TAF6L: variants seen among roughly 807,000 people sequenced by gnomAD.
TAF6L encodes TATA-box binding protein associated factor 6 like.
Under a neutral mutation model 57.3 loss-of-function variants are expected in TAF6L, and 34 were observed. That is an observed-to-expected ratio of 0.59 (90% CI 0.45 to 0.79). The LOEUF (loss-of-function observed/expected upper bound fraction) is 0.79, where lower values mean the gene tolerates loss of function less well. Ranked by LOEUF, TAF6L falls within the 30% of genes least tolerant of loss-of-function variation. The pLI, the probability that TAF6L is intolerant of heterozygous loss-of-function variation, is 0.00. For synonymous variants in TAF6L, 417 were observed against 376.3 expected (o/e 1.11, Z -1.25); for missense variants, 782 against 853.2 (o/e 0.92, Z 1.04).
At chr11:62,778,799 G>T in intron 5 of TAF6L, 70 bp from the exon 6 acceptor site, 1 of 1,294,648 alleles carries the variant, frequency 7.7e-7, no homozygotes, top group South Asian at 1.2e-5. Flanking sequence ...GGTTGAGGGG[G>T]AGGAGGCTGG....
rs993611114 is a variant in TAF6L, at chr11:62,781,884, T to G, written c.532-10T>G. 6.2e-7 allele frequency: 1 copy of G among 1,613,892 alleles called. No homozygotes were observed. Among genetic ancestry groups the G allele is most frequent in the Non-Finnish European group, 8.5e-7 (1 of 1,179,910 alleles). ...GGTGGATCCAATGCAGTCTGGGCCC[T>G]TCCTTTTAGGTTGCACTCCAGGACT... On this transcript the variant is annotated splice_polypyrimidine_tract_variant and intron_variant, in intron 6 of 10. Coordinates refer to ENST00000294168, the MANE Select transcript of TAF6L (RefSeq NM_006473.4).
rs2084286793 is a variant in TAF6L at position 62,787,023 on chromosome 11, G to A, written c.1596G>A (p.Gly532=). ...TGCCGCGCGTGCATCGGGCGCGCGG[G>A]GCACCCCGGCAGCAGGGCCCCGGGA... ...RPLPRVHRAR[G]APRQQGPGTG... The change falls in exon 11 of 11, where the codon GGG becomes GGA. Residue 532 remains glycine, a synonymous_variant. Transcript: ENST00000294168. The A allele has an allele frequency of 2.7e-6, 4 of 1,499,202 alleles. No homozygotes were observed. The highest frequency in any genetic ancestry group is 3.5e-6 in the Non-Finnish European group (4 of 1,132,742). The allele number at this position is 1,499,202 out of a possible 1,614,324, so 92.9% of individuals were successfully genotyped here.
At chr11:62,781,239 G>GA (rs572508048) in intron 6 of TAF6L, among the ~76,000 whole-genome samples, 67 of 105,354 alleles carry the variant, frequency 6.4e-4, no homozygotes, top group Admixed American at 1.1e-3. Flanking sequence ...CCATCTCAAA[G>GA]AAAAAAAAAA....
rs2084279260 is a variant in TAF6L at position 62,786,615 on chromosome 11, A to C, written c.1188A>C (p.Pro396=). The C allele has an allele frequency of 2.5e-6, 4 of 1,595,886 alleles. No individual in the cohort carries two copies. The highest frequency in any genetic ancestry group is 3.4e-6 in the Non-Finnish European group (4 of 1,170,580). Residue 396 remains proline, a synonymous_variant, in exon 11 of 11, where the codon CCA becomes CCC. Coordinates refer to ENST00000294168, the MANE Select transcript of TAF6L (RefSeq NM_006473.4). ...GRGCRRLDDL[P]WDSLLFQESS... ...GGTGCCGGCGCCTGGACGACCTGCC[A>C]TGGGACAGCCTTCTCTTTCAAGAGT...
intron 6 of TAF6L, 141 bp from the exon 7 acceptor site, chr11:62,781,753 A>C: frequency 1.3e-6 from 1 of 756,492 alleles, no homozygotes; most frequent in Non-Finnish European, 2.3e-6. Flanking sequence ...CATTTATAGA[A>C]ATAGAATTGC....
intron 6 of TAF6L, among the ~76,000 whole-genome samples, chr11:62,780,974 G>A (rs970087706): frequency 6.9e-6 from 1 of 144,432 alleles, no homozygotes; most frequent in Admixed American, 7.1e-5. Flanking sequence ...GGTGGCTAAC[G>A]CCTGTAATCT....
Position 62,776,515 on chromosome 11 carries a change from A to G in TAF6L, c.234+45A>G, listed in dbSNP as rs767381908. On this transcript the variant is annotated intron_variant, in intron 3 of 10. Coordinates refer to ENST00000294168, the MANE Select transcript of TAF6L (RefSeq NM_006473.4). ...CAGAGGGCTCAGGTGGCATGAGGCC[A>G]CTTCCATGTCCAGTTCAGGGCTGGC... 6 of 1,582,610 alleles carry G rather than the reference A, an allele frequency of 3.8e-6. No individual in the cohort carries two copies. In the South Asian group the frequency reaches 6.6e-5, roughly 17 times the overall value.
intron 6 of TAF6L, among the ~76,000 whole-genome samples, chr11:62,781,245 A>AAAAAAAAG (rs1565188719): frequency 1.3e-5 from 2 of 151,074 alleles, no homozygotes; most frequent in African/African-American, 2.5e-5. Context: ...CAAAGAAAAA[A>AAAAAAAAG]AAAAAAGAAA....
chr11:62,777,506 T>A (rs2084196268), intron 3 of TAF6L, among the ~76,000 whole-genome samples: 1 of 152,048 alleles, frequency 6.6e-6, no homozygotes, highest in African/African-American at 2.4e-5. Context: ...GGACTGGAGC[T>A]GGCCCTTAAA....
rs1292364168 is a variant in TAF6L, at chr11:62,781,992, G to A, written c.606+24G>A. 2.5e-6 allele frequency: 4 copies of A among 1,612,732 alleles called. No individual in the cohort carries two copies. In the South Asian group the frequency reaches 3.3e-5, roughly 13 times the overall value. ...GGGTAAGTGACCAGGCTGGGACAGG[G>A]AGAATGTTTTATAAGGAAGAGATGA... is the stretch of plus-strand genomic sequence containing the variant. On this transcript the variant is annotated intron_variant, in intron 7 of 10. Coordinates refer to ENST00000294168, the MANE Select transcript of TAF6L (RefSeq NM_006473.4).
intron 6 of TAF6L, among the ~76,000 whole-genome samples, chr11:62,780,159 A>G (rs2084218169): frequency 6.6e-6 from 1 of 151,126 alleles, no homozygotes; most frequent in South Asian, 2.1e-4. Flanking sequence ...TCTTCACTAA[A>G]AATACAAAAT....
At chr11:62,771,974 C>T (rs2084151492) in intron 1 of TAF6L, 1 of 388,550 alleles carries the variant, frequency 2.6e-6, no homozygotes, top group African/African-American at 2.1e-5. Flanking sequence ...GGATCCAGGC[C>T]TTGTTCCCCA....
chr11:62,782,878 A>G (rs1481709175), intron 9 of TAF6L, 53 bp downstream of exon 9: 1 of 1,601,216 alleles, frequency 6.2e-7, no homozygotes, highest in Non-Finnish European at 8.5e-7. Context: ...TTTGTGTTAG[A>G]AAAATAGTAC....
intron 9 of TAF6L, 25 bp downstream of exon 9, chr11:62,782,850 C>A: frequency 6.2e-6 from 10 of 1,613,022 alleles, no homozygotes; most frequent in Non-Finnish European, 8.5e-6. Flanking sequence ...CTTTCTCACA[C>A]AGCCGTAAGA....
rs111703736 is a variant in TAF6L at position 62,773,855 on chromosome 11, C to T, written c.-13-1916C>T. Among the ~76,000 whole-genome samples the T allele has an allele frequency of 4.6e-4, 70 of 152,228 alleles. 1 individual carries two copies. The highest frequency in any genetic ancestry group is 1.6e-3 in the African/African-American group (65 of 41,546). ...AACTGAAATCTGAAGGAGTGAGTAGCAGTTCACTAGACAAAGGGATTGGGG... is the reference window on the plus strand; with the variant it reads ...AACTGAAATCTGAAGGAGTGAGTAGTAGTTCACTAGACAAAGGGATTGGGG... On this transcript the variant is annotated intron_variant, in intron 1 of 10. Coordinates refer to ENST00000294168, the MANE Select transcript of TAF6L (RefSeq NM_006473.4).
intron 8 of TAF6L, 140 bp from the exon 9 acceptor site, chr11:62,782,553 G>T: frequency 7.7e-7 from 1 of 1,304,978 alleles, no homozygotes; most frequent in Non-Finnish European, 1.1e-6. Flanking sequence ...TCCTAGGCCA[G>T]TCACCCCTGG....
intron 2 of TAF6L, 79 bp from the exon 3 acceptor site, chr11:62,776,305 T>G: frequency 6.9e-7 from 1 of 1,442,618 alleles, no homozygotes; most frequent in South Asian, 1.2e-5. Flanking sequence ...TTCTCTCCAG[T>G]CTGGCCCACT....
chr11:62,779,921 C>T (rs1294890023), intron 6 of TAF6L, among the ~76,000 whole-genome samples: 1 of 144,674 alleles, frequency 6.9e-6, no homozygotes, highest in Non-Finnish European at 1.5e-5. Flanking sequence ...CCGCCTCTGC[C>T]TCCCAAAGTG....
In TAF6L at chr11:62,782,788, A is replaced by G. The variant is rs755372201; in HGVS notation, c.923A>G (p.Tyr308Cys). Residue 308 changes from tyrosine (Y) to cysteine (C), a missense_variant, in exon 9 of 11, where the codon TAT (tyrosine) becomes TGT (cysteine). This residue lies in a region of TAF6L where 79 missense variants were observed against 156.0 expected (regional missense o/e 0.51). Transcript: ENST00000294168. Reference protein sequence around the residue: ...ADPVRPLCCHYGAVVGLHALG... With the variant: ...ADPVRPLCCHCGAVVGLHALG... ...CCTGTGCGGCCGCTCTGCTGCCACTATGGAGCCGTGGTGGGGCTGCATGCT... is the reference window on the plus strand; with the variant it reads ...CCTGTGCGGCCGCTCTGCTGCCACTGTGGAGCCGTGGTGGGGCTGCATGCT... 5.6e-6 allele frequency: 9 copies of G among 1,613,654 alleles called. No homozygotes were observed. The highest frequency in any genetic ancestry group is 6.8e-6 in the Non-Finnish European group (8 of 1,180,008).
Sources: gnomAD v4.1 joint callset for allele counts (sites outside exome capture counted in the v4.1 genomes callset) on GRCh38, gnomAD v4.1.1 for gene constraint, gnomAD v4.1.1 regional missense constraint, MANE v1.5 for transcripts, NCBI Gene and HGNC (gene_info 2026-07-23, HGNC 2026-07-21) for gene names.